Variants in PPM1D observed in about 807,000 individuals in gnomAD.
PPM1D encodes the protein protein phosphatase 1D.
In PPM1D, 52 loss-of-function variants were observed where a neutral mutation model predicts 58.3. The ratio of observed to expected loss-of-function variants is 0.89; its 90% CI spans 0.71 to 1.12. PPM1D has a LOEUF of 1.12. Among genes scored for constraint, PPM1D ranks in the 50% most tolerant of loss-of-function variants. The pLI, the probability that PPM1D is intolerant of heterozygous loss-of-function variation, is 0.00. For missense variants in PPM1D, 564 were observed against 777.2 expected, an observed-to-expected ratio of 0.73 and a Z score of 3.26; for synonymous variants, 278 against 285.1, an observed-to-expected ratio of 0.98 and a Z score of 0.25.
At chr17:60,646,945 T>TACG (rs1206802839) in intron 3 of PPM1D, among the ~76,000 whole-genome samples, 1 of 152,226 alleles carries the variant, frequency 6.6e-6, no homozygotes, top group African/African-American at 2.4e-5. Context: ...AAGTGACTGG[T>TACG]ACTTGTTCTG....
chr17:60,645,518 A>ATG, intron 3 of PPM1D, among the ~76,000 whole-genome samples: 1 of 133,670 alleles, frequency 7.5e-6, no homozygotes, highest in African/African-American at 3.1e-5. Flanking sequence ...ATGTGTATAT[A>ATG]TATGTATATA....
At chr17:60,603,714 G>A (rs1435807667) in intron 1 of PPM1D, among the ~76,000 whole-genome samples, 4 of 152,052 alleles carry the variant, frequency 2.6e-5, no homozygotes, top group African/African-American at 7.2e-5. Flanking sequence ...CAGTGAGCTG[G>A]GATTGGGCCA....
chr17:60,603,596 C>T (rs2030266968), intron 1 of PPM1D, among the ~76,000 whole-genome samples: 1 of 152,122 alleles, frequency 6.6e-6, no homozygotes, highest in Non-Finnish European at 1.5e-5. Context: ...AACCTTGTCT[C>T]TACTAAAAAT....
chr17:60,621,659 C>T (rs1453604127), intron 1 of PPM1D, among the ~76,000 whole-genome samples: 6 of 150,420 alleles, frequency 4.0e-5, no homozygotes, highest in East Asian at 2.0e-4. Context: ...CTGCAAGCTC[C>T]GCCTCCCGGG....
At chr17:60,630,815 C>T (rs879933128) in intron 2 of PPM1D, among the ~76,000 whole-genome samples, 1 of 152,096 alleles carries the variant, frequency 6.6e-6, no homozygotes, top group African/African-American at 2.4e-5. Context: ...CTAAGCCTTA[C>T]CTTGTAAGGA....
At chr17:60,640,346 T>C in intron 3 of PPM1D, among the ~76,000 whole-genome samples, 1 of 152,184 alleles carries the variant, frequency 6.6e-6, no homozygotes, top group Non-Finnish European at 1.5e-5. Flanking sequence ...TAAAAACAAT[T>C]GTGAACTATA....
At chr17:60,630,591 T>C (rs1285535465) in intron 2 of PPM1D, among the ~76,000 whole-genome samples, 1 of 152,208 alleles carries the variant, frequency 6.6e-6, no homozygotes, top group Admixed American at 6.5e-5. Flanking sequence ...CTTTTAATCA[T>C]ATAGGACAAC....
intron 1 of PPM1D, among the ~76,000 whole-genome samples, chr17:60,612,889 C>CCTT (rs1254983841): frequency 1.3e-5 from 2 of 152,008 alleles, no homozygotes; most frequent in Non-Finnish European, 2.9e-5. Context: ...ATTTACCACC[C>CCTT]CTTCTTCTTT....
At chr17:60,613,624 G>C (rs965826991) in intron 1 of PPM1D, among the ~76,000 whole-genome samples, 2 of 152,224 alleles carry the variant, frequency 1.3e-5, no homozygotes, top group African/African-American at 4.8e-5. Context: ...GGAGAGGCGC[G>C]GGTGGGAACT....
chr17:60,656,898 G>T, intron 5 of PPM1D, 57 bp downstream of exon 5: 1 of 1,610,100 alleles, frequency 6.2e-7, no homozygotes, highest in African/African-American at 1.3e-5. Flanking sequence ...TCTTTGGTTA[G>T]CGTCACCTGG....
intron 5 of PPM1D, among the ~76,000 whole-genome samples, chr17:60,659,808 G>A (rs957216455): frequency 5.3e-5 from 8 of 152,204 alleles, no homozygotes; most frequent in Admixed American, 5.2e-4. Context: ...TGTGCTAACA[G>A]ATACAATGTA....
At chr17:60,646,484 G>T (rs1281866270) in intron 3 of PPM1D, among the ~76,000 whole-genome samples, 1 of 152,098 alleles carries the variant, frequency 6.6e-6, no homozygotes, top group African/African-American at 2.4e-5. Context: ...AAAATCTTTT[G>T]CTTTTAATTT....
rs188582291 is a variant in PPM1D, at chr17:60,665,167, T to A, written c.*1615T>A. 2 of 151,988 alleles carry A rather than the reference T, an allele frequency of 1.3e-5. No homozygotes were observed. Among genetic ancestry groups the A allele is most frequent in the East Asian group, 3.9e-4 (2 of 5,140 alleles). 9.4% of individuals were successfully genotyped at this position (151,988 alleles called of 1,614,324 possible). ...TTGTATTTTTAGTAGAGATGGGGTT[T>A]CACATGTCAGTCATGCTGGTCTTGA... On this transcript the variant is annotated 3_prime_UTR_variant, in exon 6 of 6. Transcript: ENST00000305921.
intron 1 of PPM1D, among the ~76,000 whole-genome samples, chr17:60,604,914 G>A (rs574234142): frequency 6.6e-6 from 1 of 152,336 alleles, no homozygotes; most frequent in East Asian, 1.9e-4. Context: ...CTCCTCTCAG[G>A]TTCAAGCGAT....
intron 3 of PPM1D, among the ~76,000 whole-genome samples, chr17:60,634,947 A>C (rs1302337604): frequency 6.6e-6 from 1 of 151,176 alleles, no homozygotes; most frequent in African/African-American, 2.4e-5. Flanking sequence ...CGCCTGGCTA[A>C]TTTTTTCTTT....
chr17:60,651,091 C>G (rs1658108947), intron 4 of PPM1D, among the ~76,000 whole-genome samples: 1 of 152,074 alleles, frequency 6.6e-6, no homozygotes, highest in Admixed American at 6.5e-5. Flanking sequence ...TAGGGGGACT[C>G]AAGTCAGCAG....
chr17:60,652,242 CT>C (rs935862198), intron 4 of PPM1D, among the ~76,000 whole-genome samples: 1 of 151,932 alleles, frequency 6.6e-6, no homozygotes, highest in Non-Finnish European at 1.5e-5. Flanking sequence ...GAGATCATGT[CT>C]TTCTGTGCTT....
At position 60,628,651 on chromosome 17, in the gene PPM1D, G is replaced by A. The variant is rs200276940; in HGVS notation, c.701+4902G>A. 3.9e-5 allele frequency among the ~76,000 whole-genome samples: 6 copies of A among 152,054 alleles called. No individual in the cohort carries two copies. In the East Asian group the frequency reaches 9.7e-4, roughly 25 times the overall value. On this transcript the variant is annotated intron_variant, in intron 2 of 5. Transcript: ENST00000305921. Reference sequence around the variant, plus strand: ...TTTTTAATATATGCATTTATTGTTTGTAATATACTAGGTCACTGAGTTATA... The same window carrying A: ...TTTTTAATATATGCATTTATTGTTTATAATATACTAGGTCACTGAGTTATA...
intron 3 of PPM1D, among the ~76,000 whole-genome samples, chr17:60,639,981 C>T (rs144318165): frequency 1.2e-4 from 19 of 152,260 alleles, no homozygotes; most frequent in Middle Eastern, 6.8e-3. Context: ...AAATAAGAGA[C>T]TTGGATAAAA....
Sources: allele counts gnomAD v4.1 joint callset (sites outside exome capture counted in the v4.1 genomes callset), GRCh38; gene constraint gnomAD v4.1.1; transcripts MANE v1.5; gene names NCBI Gene and HGNC (gene_info 2026-07-23, HGNC 2026-07-21).